Variants in GTF2H5 observed in about 807,000 individuals in gnomAD.
GTF2H5 encodes the protein TFB5 ortholog.
Under a neutral mutation model 7.1 loss-of-function variants are expected in GTF2H5, and 5 were observed. That is an observed-to-expected ratio of 0.71 (90% CI 0.37 to 1.49). The LOEUF (loss-of-function observed/expected upper bound fraction) is 1.49, where lower values mean the gene tolerates loss of function less well. Among genes scored for constraint, GTF2H5 ranks in the 40% most tolerant of loss-of-function variants. The probability of loss-of-function intolerance (pLI) is 0.03; values close to 1 mark genes in which losing one functional copy is unlikely to be tolerated. For synonymous variants in GTF2H5, 30 were observed against 31.7 expected, an observed-to-expected ratio of 0.95 and a Z score of 0.18; for missense variants, 80 against 83.0, an observed-to-expected ratio of 0.96 and a Z score of 0.14.
chr6:158,179,955 T>G (rs577728382), intron 2 of GTF2H5, among the ~76,000 whole-genome samples: 1 of 152,188 alleles, frequency 6.6e-6, no homozygotes, highest in Non-Finnish European at 1.5e-5. Flanking sequence ...GCCCATACAG[T>G]ATGATATTGG....
At position 158,192,297 on chromosome 6, in the gene GTF2H5, T is replaced by C; in HGVS notation, c.*140T>C. On this transcript the variant is annotated 3_prime_UTR_variant, in exon 3 of 3. Transcript: ENST00000607778. ...GAAAGACTGAGGGATCATGATCATTTGTTCAGAAAAAAAGCCCCTGAACTG... is the reference window on the plus strand; with the variant it reads ...GAAAGACTGAGGGATCATGATCATTCGTTCAGAAAAAAAGCCCCTGAACTG... 1 of 679,010 alleles carries C rather than the reference T, an allele frequency of 1.5e-6. No individual in the cohort carries two copies. Among genetic ancestry groups the C allele is most frequent in the Admixed American group, 2.4e-5 (1 of 41,118 alleles). The allele number at this position is 679,010 out of a possible 1,614,324, so 42.1% of individuals were successfully genotyped here.
intron 1 of GTF2H5, among the ~76,000 whole-genome samples, chr6:158,169,446 TTATA>T (rs1491207655): frequency 1.8e-5 from 1 of 57,098 alleles, no homozygotes; most frequent in African/African-American, 7.9e-5. Flanking sequence ...ATTATATATA[TTATA>T]TATTATATAT....
chr6:158,176,216 A>G (rs1403055550), intron 2 of GTF2H5, among the ~76,000 whole-genome samples: 2 of 152,108 alleles, frequency 1.3e-5, no homozygotes, highest in East Asian at 3.8e-4. Context: ...AAAACTAAGT[A>G]TAATATTGTG....
chr6:158,169,705 T>TTGTATATTATATATTATATAA (rs1785795566), intron 1 of GTF2H5, among the ~76,000 whole-genome samples: 1 of 82,734 alleles, frequency 1.2e-5, no homozygotes, highest in Non-Finnish European at 2.2e-5. Context: ...ATATAATATA[T>TTGTATATTATATATTATATAA]TGTATATTAT....
At chr6:158,182,769 C>T (rs919716192) in intron 2 of GTF2H5, among the ~76,000 whole-genome samples, 1 of 151,960 alleles carries the variant, frequency 6.6e-6, no homozygotes, top group Admixed American at 6.6e-5. Context: ...TCTAGTTAAC[C>T]ATTCGTCTAA....
chr6:158,170,417 G>C, intron 1 of GTF2H5, 53 bp from the exon 2 acceptor site: 1 of 1,068,584 alleles, frequency 9.4e-7, no homozygotes, highest in Non-Finnish European at 1.4e-6. Flanking sequence ...GATCCCCAAA[G>C]TATATGAAAG....
intron 2 of GTF2H5, among the ~76,000 whole-genome samples, chr6:158,173,305 A>T (rs1188121513): frequency 6.6e-6 from 1 of 152,198 alleles, no homozygotes; most frequent in African/African-American, 2.4e-5. Context: ...TCAAAAGGGT[A>T]ACTCTGTCTT....
At position 158,199,263 on chromosome 6, in the gene GTF2H5, T is replaced by A. The variant is rs527669726; in HGVS notation, c.*7106T>A. 1 of 151,716 alleles carries A rather than the reference T, an allele frequency of 6.6e-6. No individual in the cohort carries two copies. Among genetic ancestry groups the A allele is most frequent in the East Asian group, 1.9e-4 (1 of 5,188 alleles). 9.4% of individuals were successfully genotyped at this position (151,716 alleles called of 1,614,324 possible). On this transcript the variant is annotated 3_prime_UTR_variant, in exon 3 of 3. Transcript: ENST00000607778. The stretch of plus-strand genomic sequence containing the variant: ...GGTAATGTGTACAATAGAAGCCCAA[T>A]CCCCACCTATACCCAATATATCCAT...
At chr6:158,172,968 C>G (rs1173596357) in intron 2 of GTF2H5, among the ~76,000 whole-genome samples, 1 of 152,172 alleles carries the variant, frequency 6.6e-6, no homozygotes, top group Non-Finnish European at 1.5e-5. Context: ...TACCTGGTCT[C>G]TCTAATGACT....
rs615107 is a variant in GTF2H5 at position 158,198,681 on chromosome 6, C to G, written c.*6524C>G. Reference sequence around the variant, plus strand: ...CTGGCCTCCCAAAGTGGTGGGATTACAGGCGTGAGCCAGCGCGCCCGGCCT... The same window carrying G: ...CTGGCCTCCCAAAGTGGTGGGATTAGAGGCGTGAGCCAGCGCGCCCGGCCT... On this transcript the variant is annotated 3_prime_UTR_variant, in exon 3 of 3. Coordinates refer to ENST00000607778, the MANE Select transcript of GTF2H5 (RefSeq NM_207118.3). 0.54 allele frequency: 81,963 copies of G among 152,150 alleles called. 22,558 individuals carry two copies. The highest frequency in any genetic ancestry group is 0.71 in the East Asian group (3,664 of 5,168). 9.4% of individuals were successfully genotyped at this position (152,150 alleles called of 1,614,324 possible). A position where few individuals can be genotyped will look rare whatever the true frequency, so the allele number is the denominator to read the frequency against.
In GTF2H5 at chr6:158,191,967, G is replaced by C. The variant is rs1331147899; in HGVS notation, c.36-10G>C. 2 of 1,610,984 alleles carry C rather than the reference G, an allele frequency of 1.2e-6. No homozygotes were observed. The highest frequency in any genetic ancestry group is 1.7e-6 in the Non-Finnish European group (2 of 1,177,146). On this transcript the variant is annotated splice_polypyrimidine_tract_variant and intron_variant, in intron 2 of 2. Transcript: ENST00000607778. ...CAAGCTGTCTTACAATCATGTGTTTGTCTTTACAGTGATCCTGCCATGAAG... is the reference window on the plus strand; with the variant it reads ...CAAGCTGTCTTACAATCATGTGTTTCTCTTTACAGTGATCCTGCCATGAAG...
At chr6:158,172,047 CA>C (rs1486054173) in intron 2 of GTF2H5, among the ~76,000 whole-genome samples, 2 of 126,328 alleles carry the variant, frequency 1.6e-5, no homozygotes, top group African/African-American at 7.3e-5. Flanking sequence ...TGTCAGCTAT[CA>C]CTTTTTTTCC....
Position 158,192,023 on chromosome 6 carries a change from G to GCCC in GTF2H5, c.83_85dup (p.Ala28_Leu29insPro). 1 of 1,614,084 alleles carries GCCC rather than the reference G, an allele frequency of 6.2e-7. No individual in the cohort carries two copies. On this transcript the variant is annotated inframe_insertion, in exon 3 of 3. Coordinates refer to ENST00000607778, the MANE Select transcript of GTF2H5 (RefSeq NM_207118.3). ...TCTGCTGTACTTGGATGAGTCCAAT[G>GCCC]CCCTGGGGAAGAAGTTCATCATTCA...
At chr6:158,178,680 C>T (rs1785965981) in intron 2 of GTF2H5, among the ~76,000 whole-genome samples, 2 of 152,054 alleles carry the variant, frequency 1.3e-5, no homozygotes, top group South Asian at 4.2e-4. Context: ...TATCCTTTGC[C>T]CATTTTCTGA....
At position 158,198,632 on chromosome 6, in the gene GTF2H5, C is replaced by G. The variant is rs1262323420; in HGVS notation, c.*6475C>G. 6.6e-6 allele frequency: 1 copy of G among 152,310 alleles called. No homozygotes were observed. Among genetic ancestry groups the G allele is most frequent in the Non-Finnish European group, 1.5e-5 (1 of 68,146 alleles). 9.4% of individuals were successfully genotyped at this position (152,310 alleles called of 1,614,324 possible). ...TTTGCACCATGTTGGCCAGGCTGGT[C>G]TCGAACTCCCAACCTCAAGTAATCT... On this transcript the variant is annotated 3_prime_UTR_variant, in exon 3 of 3. Coordinates refer to ENST00000607778, the MANE Select transcript of GTF2H5 (RefSeq NM_207118.3).
chr6:158,190,640 G>A (rs779997680), intron 2 of GTF2H5: 2 of 478,768 alleles, frequency 4.2e-6, no homozygotes, highest in Non-Finnish European at 8.3e-6. Flanking sequence ...TAAATCCCGT[G>A]TTAGCATCAG....
chr6:158,190,993 A>G, intron 2 of GTF2H5: 1 of 495,476 alleles, frequency 2.0e-6, no homozygotes, highest in Non-Finnish European at 4.0e-6. Context: ...TCCAAACCAA[A>G]AACCACAAGT....
intron 2 of GTF2H5, chr6:158,191,054 G>T: frequency 2.4e-6 from 1 of 409,288 alleles, no homozygotes; most frequent in Non-Finnish European, 4.8e-6. Flanking sequence ...TACAAGCCAA[G>T]CACTGTCCTT....
At chr6:158,169,896 T>C (rs1045742616) in intron 1 of GTF2H5, among the ~76,000 whole-genome samples, 4 of 147,568 alleles carry the variant, frequency 2.7e-5, no homozygotes, top group Non-Finnish European at 5.9e-5. Flanking sequence ...AGTGCATGCC[T>C]GTAGTCCCAG....
Sources: allele counts gnomAD v4.1 joint callset (sites outside exome capture counted in the v4.1 genomes callset), GRCh38; gene constraint gnomAD v4.1.1; transcripts MANE v1.5; gene names NCBI Gene and HGNC (gene_info 2026-07-23, HGNC 2026-07-21).